The following MON2 variants were observed in gnomAD, a reference collection of about 807,000 sequenced individuals.
MON2 encodes the protein MON2 regulator of endosome-to-Golgi trafficking.
Under a neutral mutation model 208.6 loss-of-function variants are expected in MON2, and 84 were observed. That is an observed-to-expected ratio of 0.40 (90% CI 0.34 to 0.48). The LOEUF (loss-of-function observed/expected upper bound fraction) is 0.48. Ranked by LOEUF, MON2 falls within the 20% of genes least tolerant of loss-of-function variation. The probability of loss-of-function intolerance (pLI) is 0.59; values close to 1 mark genes in which losing one functional copy is unlikely to be tolerated. For synonymous variants in MON2, 660 were observed against 694.0 expected (o/e 0.95, Z 0.77); for missense variants, 1,611 against 2,015.4 (o/e 0.80, Z 3.84).
In MON2 at chr12:62,508,128, G is replaced by A. The variant is rs186497821; in HGVS notation, c.790-158G>A. Reference sequence around the variant, plus strand: ...TGCAATACGAATTTCAAAATTGTGCGTAAACTATAAAATAATAAAACATAT... The same window carrying A: ...TGCAATACGAATTTCAAAATTGTGCATAAACTATAAAATAATAAAACATAT... On this transcript the variant is annotated intron_variant, in intron 7 of 34. Transcript: ENST00000393630. Among the ~76,000 whole-genome samples, 11 of 152,184 alleles carry A rather than the reference G, an allele frequency of 7.2e-5. No individual in the cohort carries two copies. In the East Asian group the frequency reaches 1.9e-3, roughly 27 times the overall value.
rs572617214 is a variant in MON2 at position 62,511,780 on chromosome 12, A to T, written c.984+3300A>T. Among the ~76,000 whole-genome samples the T allele has an allele frequency of 4.6e-5, 7 of 152,336 alleles. No homozygotes were observed. The South Asian group carries it at 1.4e-3, about 32-fold the overall frequency. On this transcript the variant is annotated intron_variant, in intron 8 of 34. Coordinates refer to ENST00000393630, the MANE Select transcript of MON2 (RefSeq NM_015026.3). ...GACAAATGGAACTGCATCAAACTTA[A>T]AATCTTCTACACCTCAAAGAAAGAA...
intron 20 of MON2, among the ~76,000 whole-genome samples, chr12:62,544,376 G>A (rs569065296): frequency 1.3e-5 from 2 of 152,260 alleles, no homozygotes; most frequent in South Asian, 2.1e-4. Flanking sequence ...AACCCAGGAA[G>A]TTGACGCTGC....
At chr12:62,553,872 A>G (rs2073855524) in intron 24 of MON2, among the ~76,000 whole-genome samples, 1 of 152,054 alleles carries the variant, frequency 6.6e-6, no homozygotes, top group Non-Finnish European at 1.5e-5. Flanking sequence ...AAATTAATAG[A>G]CCCCAAAATG....
intron 1 of MON2, among the ~76,000 whole-genome samples, chr12:62,482,135 T>C (rs1283665882): frequency 6.6e-6 from 1 of 152,216 alleles, no homozygotes; most frequent in Non-Finnish European, 1.5e-5. Flanking sequence ...GTTACTAGGT[T>C]CTACATTCAA....
intron 12 of MON2, 60 bp downstream of exon 12, chr12:62,532,730 A>C (rs1565653931): frequency 7.6e-7 from 1 of 1,314,842 alleles, no homozygotes. Context: ...ATTTGCAAAA[A>C]TTGTAGTCTT....
At chr12:62,517,395 T>G (rs2071757839) in intron 8 of MON2, among the ~76,000 whole-genome samples, 1 of 152,154 alleles carries the variant, frequency 6.6e-6, no homozygotes, top group African/African-American at 2.4e-5. Flanking sequence ...TCATCTTTTT[T>G]TTAAAATAAA....
Position 62,585,402 on chromosome 12 carries a change from T to G in MON2, c.4808T>G (p.Ile1603Ser), listed in dbSNP as rs1322557743. ...NKVTTPQEGY[I>S]SRMALSVLLK... ...GTCACAACACCTCAAGAAGGCTACA[T>G]CTCACGAATGGCACTCTCAGTGCTT... The change falls in exon 33 of 35, where the codon ATC becomes AGC. Residue 1603 changes from isoleucine to serine, a missense_variant. Transcript: ENST00000393630. The G allele has an allele frequency of 6.2e-7, 1 of 1,613,600 alleles. No individual in the cohort carries two copies. The highest frequency in any genetic ancestry group is 8.5e-7 in the Non-Finnish European group (1 of 1,179,652).
intron 34 of MON2, among the ~76,000 whole-genome samples, chr12:62,589,306 T>C (rs903760629): frequency 1.7e-4 from 26 of 152,226 alleles, no homozygotes. Context: ...TCTTATTTTG[T>C]AGCAGATTGG....
At chr12:62,546,483 G>A (rs1390517335) in intron 21 of MON2, among the ~76,000 whole-genome samples, 1 of 152,114 alleles carries the variant, frequency 6.6e-6, no homozygotes, top group Non-Finnish European at 1.5e-5. Context: ...AACGGGCATG[G>A]TGGCTCACAC....
At chr12:62,536,292 A>T (rs1429251004) in intron 14 of MON2, among the ~76,000 whole-genome samples, 1 of 152,166 alleles carries the variant, frequency 6.6e-6, no homozygotes, top group Non-Finnish European at 1.5e-5. Context: ...ACATTCAAAA[A>T]TTTATTTTCT....
Position 62,505,769 on chromosome 12 carries a change from G to T in MON2, c.790-2517G>T, listed in dbSNP as rs142598819. On this transcript the variant is annotated intron_variant, in intron 7 of 34. Transcript: ENST00000393630. ...CTGGGCCTGGTGGCACATGCCTGTA[G>T]TCTCAGCTACTTGGGAGGCTGAGAG... 4.4e-3 allele frequency among the ~76,000 whole-genome samples: 676 copies of T among 151,956 alleles called. 6 individuals are homozygous for T. Among genetic ancestry groups the T allele is most frequent in the African/African-American group, 0.016 (644 of 41,446 alleles).
At chr12:62,574,859 G>A (rs570686355) in intron 30 of MON2, among the ~76,000 whole-genome samples, 11 of 152,168 alleles carry the variant, frequency 7.2e-5, no homozygotes, top group South Asian at 2.1e-4. Flanking sequence ...AAGGCCAACC[G>A]GAGTACGTAA....
In MON2 at chr12:62,596,589, G is replaced by A. The variant is rs1442754196; in HGVS notation, c.*3840G>A. 2 of 152,154 alleles carry A rather than the reference G, an allele frequency of 1.3e-5. No individual in the cohort carries two copies. The highest frequency in any genetic ancestry group is 3.8e-4 in the East Asian group (2 of 5,202). 9.4% of individuals were successfully genotyped at this position (152,154 alleles called of 1,614,324 possible). A position where few individuals can be genotyped will look rare whatever the true frequency, so the allele number is the denominator to read the frequency against. ...ATTTTACTATGCTTAGTGTTCCTGG[G>A]TTGTATTTATCTACATTATTAGAGG... is the stretch of plus-strand genomic sequence containing the variant. On this transcript the variant is annotated 3_prime_UTR_variant, in exon 35 of 35. Transcript: ENST00000393630.
At position 62,594,709 on chromosome 12, in the gene MON2, T is replaced by C. The variant is rs886216924; in HGVS notation, c.*1960T>C. 6.6e-6 allele frequency: 1 copy of C among 152,242 alleles called. No homozygotes were observed. The highest frequency in any genetic ancestry group is 1.5e-5 in the Non-Finnish European group (1 of 68,038). The allele number at this position is 152,242 out of a possible 1,614,324, so 9.4% of individuals were successfully genotyped here. On this transcript the variant is annotated 3_prime_UTR_variant, in exon 35 of 35. Transcript: ENST00000393630. ...TAAATAGTTAAATATGAGTCAAGTG[T>C]ATGCAATATACATTTATATGAACCA... is the stretch of plus-strand genomic sequence containing the variant.
At chr12:62,565,855 C>A (rs1302367745) in intron 27 of MON2, 159 bp from the exon 28 acceptor site, 6 of 614,580 alleles carry the variant, frequency 9.8e-6, no homozygotes, top group Non-Finnish European at 1.4e-5. Flanking sequence ...CCATAGTTGG[C>A]AAATTTTAAC....
At chr12:62,591,634 CACTAGTTTGAGAA>C (rs1668710852) in intron 34 of MON2, among the ~76,000 whole-genome samples, 3 of 152,162 alleles carry the variant, frequency 2.0e-5, no homozygotes, top group Non-Finnish European at 4.4e-5. Flanking sequence ...AATTGAGGAA[CACTAGTTTGAGAA>C]ACACATTTCT....
Position 62,595,540 on chromosome 12 carries a change from G to A in MON2, c.*2791G>A, listed in dbSNP as rs2075510572. 6.6e-6 allele frequency: 1 copy of A among 152,022 alleles called. No individual in the cohort carries two copies. The highest frequency in any genetic ancestry group is 1.5e-5 in the Non-Finnish European group (1 of 68,016). The allele number at this position is 152,022 out of a possible 1,614,324, so 9.4% of individuals were successfully genotyped here. On this transcript the variant is annotated 3_prime_UTR_variant, in exon 35 of 35. Transcript: ENST00000393630. ...GGACAACAGACATATGCCACCAATT[G>A]TATGATTAATAAAGTCTTTTTCTGG...
At chr12:62,561,472 A>AT (rs942228802) in intron 26 of MON2, among the ~76,000 whole-genome samples, 6 of 152,076 alleles carry the variant, frequency 3.9e-5, no homozygotes, top group Non-Finnish European at 8.8e-5. Context: ...GTGGGATTAT[A>AT]TTTTTTTAAT....
intron 7 of MON2, 75 bp from the exon 8 acceptor site, chr12:62,508,211 T>G: frequency 3.5e-6 from 4 of 1,137,480 alleles, no homozygotes; most frequent in Non-Finnish European, 3.8e-6. Context: ...TGTTTCCTAG[T>G]GAGACTGTGT....
Sources: gnomAD v4.1 joint callset for allele counts (sites outside exome capture counted in the v4.1 genomes callset) on GRCh38, gnomAD v4.1.1 for gene constraint, MANE v1.5 for transcripts, NCBI Gene and HGNC (gene_info 2026-07-23, HGNC 2026-07-21) for gene names.